Variants in SLC24A2 observed in about 807,000 individuals in gnomAD.
SLC24A2 encodes sodium/potassium/calcium exchanger 2.
In SLC24A2, 36 loss-of-function variants were observed where a neutral mutation model predicts 62.0. The ratio of observed to expected loss-of-function variants is 0.58; its 90% CI spans 0.44 to 0.77. SLC24A2 has a LOEUF of 0.77. SLC24A2 is among the 30% of genes least tolerant of loss of function. The pLI, the probability that SLC24A2 is intolerant of heterozygous loss-of-function variation, is 0.00. For missense variants in SLC24A2, 846 were observed against 817.9 expected, an observed-to-expected ratio of 1.03 and a Z score of -0.42; for synonymous variants, 358 against 294.0, an observed-to-expected ratio of 1.22 and a Z score of -2.23.
chr9:19,777,781 G>C (rs193237987), intron 2 of SLC24A2, among the ~76,000 whole-genome samples: 1 of 152,260 alleles, frequency 6.6e-6, no homozygotes, highest in East Asian at 1.9e-4. Context: ...ATGCGAAAAT[G>C]TGCATAGTCA....
chr9:20,257,300 C>CA, the SLC24A2 span, among the ~76,000 whole-genome samples: 2 of 151,680 alleles, frequency 1.3e-5, no homozygotes. Flanking sequence ...AAATACACTC[C>CA]AAAAAACAAG....
chr9:19,944,876 T>C, the SLC24A2 span, among the ~76,000 whole-genome samples: 251 of 152,280 alleles, frequency 1.6e-3, 1 homozygote, highest in African/African-American at 5.5e-3. Context: ...CCATTCTAAA[T>C]TGCTGGACTT....
intron 2 of SLC24A2, among the ~76,000 whole-genome samples, chr9:19,727,823 T>C (rs1821215844): frequency 6.6e-6 from 1 of 152,200 alleles, no homozygotes; most frequent in African/African-American, 2.4e-5. Flanking sequence ...AAAAACATGG[T>C]TATTTACTTT....
At chr9:19,850,486 T>C in the SLC24A2 span, among the ~76,000 whole-genome samples, 1 of 152,256 alleles carries the variant, frequency 6.6e-6, no homozygotes, top group Non-Finnish European at 1.5e-5. Context: ...AATTTACATA[T>C]CATAAAATTT....
chr9:19,654,450 C>T (rs10964242), intron 2 of SLC24A2, among the ~76,000 whole-genome samples: 115,979 of 151,972 alleles, frequency 0.76, 44,395 homozygotes, highest in East Asian at 0.87. Flanking sequence ...TTCTCCTCAA[C>T]TGGTTAGTGG....
At chr9:20,145,315 GTGGGGGATATAACA>G in the SLC24A2 span, among the ~76,000 whole-genome samples, 12 of 152,138 alleles carry the variant, frequency 7.9e-5, no homozygotes, top group South Asian at 1.9e-3. Flanking sequence ...AAGGGTTATA[GTGGGGGATATAACA>G]TGGGGGATAT....
chr9:19,726,687 C>A (rs548365692), intron 2 of SLC24A2, among the ~76,000 whole-genome samples: 1 of 152,308 alleles, frequency 6.6e-6, no homozygotes, highest in Non-Finnish European at 1.5e-5. Context: ...ATATGACTCA[C>A]TTAAAATCAT....
chr9:19,835,187 C>A, the SLC24A2 span, among the ~76,000 whole-genome samples: 124 of 152,274 alleles, frequency 8.1e-4, no homozygotes, highest in Non-Finnish European at 1.4e-3. Context: ...AAATAACCAG[C>A]TAACATCATA....
Position 19,648,892 on chromosome 9 carries a change from T to TTTAATAAA in SLC24A2, c.931-26594_931-26593insTTTATTAA, listed in dbSNP as rs1335990401. 5.0e-4 allele frequency among the ~76,000 whole-genome samples: 75 copies of TTTAATAAA among 149,594 alleles called. 1 individual carries two copies. The highest frequency in any genetic ancestry group is 4.9e-4 in the African/African-American group (20 of 40,680). On this transcript the variant is annotated intron_variant, in intron 2 of 10. Transcript: ENST00000341998. ...CAGAAAGCTAGAATAGGGAAGGAAA[T>TTTAATAAA]GACTCAAAGTTATTTAATAAAGCTG...
chr9:20,147,575 T>G, the SLC24A2 span, among the ~76,000 whole-genome samples: 1 of 152,182 alleles, frequency 6.6e-6, no homozygotes, highest in Admixed American at 6.6e-5. Context: ...CGTAAATTCT[T>G]GATCAAACAG....
the SLC24A2 span, among the ~76,000 whole-genome samples, chr9:20,062,872 C>CG: frequency 8.1e-6 from 1 of 123,610 alleles, no homozygotes; most frequent in Non-Finnish European, 1.6e-5. Flanking sequence ...ATTTATGCAG[C>CG]CAAAAAACAC....
chr9:19,609,864 G>A lies in SLC24A2; in HGVS notation c.1078+9720C>T, dbSNP rs746014975. ...AGGCATTAGATTCTCATAAGGAGCC[G>A]CAACCTAGATCCTCACATGCACAGT... On this transcript the variant is annotated intron_variant, in intron 4 of 10. Coordinates refer to ENST00000341998, the MANE Select transcript of SLC24A2 (RefSeq NM_020344.4). Among the ~76,000 whole-genome samples the A allele has an allele frequency of 8.5e-5, 13 of 152,194 alleles. No individual in the cohort carries two copies. In the South Asian group the frequency reaches 1.7e-3, roughly 19 times the overall value.
chr9:19,902,519 T>G, the SLC24A2 span, among the ~76,000 whole-genome samples: 1 of 152,216 alleles, frequency 6.6e-6, no homozygotes, highest in Non-Finnish European at 1.5e-5. Context: ...CTCCTCATCA[T>G]GATCATCATA....
At chr9:19,952,416 T>C in the SLC24A2 span, among the ~76,000 whole-genome samples, 7 of 152,042 alleles carry the variant, frequency 4.6e-5, no homozygotes, top group African/African-American at 1.7e-4. Context: ...TTCACCACTG[T>C]GTATCTTAGC....
intron 9 of SLC24A2, among the ~76,000 whole-genome samples, chr9:19,526,714 T>C (rs4977548): frequency 0.3 from 44,985 of 151,998 alleles, 7,407 homozygotes; most frequent in East Asian, 0.55. Context: ...CTTCCTATTA[T>C]GGAGCTTTAA....
At chr9:20,058,492 TAC>T in the SLC24A2 span, among the ~76,000 whole-genome samples, 100 of 147,816 alleles carry the variant, frequency 6.8e-4, no homozygotes, top group East Asian at 1.6e-3. Context: ...ATGCCCTTCA[TAC>T]ACACACACAC....
chr9:19,533,958 C>T (rs568467743), intron 8 of SLC24A2, among the ~76,000 whole-genome samples: 1 of 152,322 alleles, frequency 6.6e-6, no homozygotes, highest in African/African-American at 2.4e-5. Flanking sequence ...TGTGAATAAA[C>T]TGGGACCGTC....
chr9:19,650,724 A>G (rs76266298), intron 2 of SLC24A2, among the ~76,000 whole-genome samples: 7 of 29,838 alleles, frequency 2.3e-4, no homozygotes, highest in African/African-American at 1.0e-3. Flanking sequence ...TGGCACGCGC[A>G]CACACACACA....
At chr9:20,091,593 A>G in the SLC24A2 span, among the ~76,000 whole-genome samples, 1 of 152,170 alleles carries the variant, frequency 6.6e-6, no homozygotes, top group African/African-American at 2.4e-5. Context: ...AGAATTTTAT[A>G]TCTACTAAAC....
Sources: gnomAD v4.1 joint callset for allele counts (sites outside exome capture counted in the v4.1 genomes callset) on GRCh38, gnomAD v4.1.1 for gene constraint, MANE v1.5 for transcripts, NCBI Gene and HGNC (gene_info 2026-07-23, HGNC 2026-07-21) for gene names.